Variants in EMILIN2 observed in about 807,000 individuals in gnomAD.
EMILIN2 encodes the protein EMILIN-2.
In EMILIN2, 71 loss-of-function variants were observed where a neutral mutation model predicts 87.1. The observed-to-expected ratio is 0.82, with a 90% confidence interval of 0.67 to 0.99. EMILIN2 has a LOEUF of 0.99. EMILIN2 is among the 50% of genes least tolerant of loss of function. The pLI is 0.00. For synonymous variants in EMILIN2, 581 were observed against 563.4 expected (o/e 1.03, Z -0.44); for missense variants, 1,407 against 1,371.8 (o/e 1.03, Z -0.40).
At chr18:2,879,331 G>A (rs139946335) in intron 2 of EMILIN2, among the ~76,000 whole-genome samples, 5 of 152,304 alleles carry the variant, frequency 3.3e-5, no homozygotes, top group African/African-American at 1.2e-4. Context: ...TAGTTTGACT[G>A]AGGAACAAAA....
chr18:2,866,407 A>T (rs2076687029), intron 2 of EMILIN2, among the ~76,000 whole-genome samples: 2 of 152,154 alleles, frequency 1.3e-5, no homozygotes, highest in South Asian at 4.1e-4. Flanking sequence ...CTTCTTGGTT[A>T]GGTATATTCC....
intron 2 of EMILIN2, among the ~76,000 whole-genome samples, chr18:2,865,865 A>C (rs904199211): frequency 1.3e-5 from 2 of 152,178 alleles, no homozygotes; most frequent in African/African-American, 4.8e-5. Flanking sequence ...CAACCAGTTC[A>C]AGCTTCCCAG....
chr18:2,847,330 C>T lies in EMILIN2; in HGVS notation c.134+8C>T, dbSNP rs1474385774. 2 of 1,311,650 alleles carry T rather than the reference C, an allele frequency of 1.5e-6. No homozygotes were observed. The highest frequency in any genetic ancestry group is 3.1e-5 in the African/African-American group (2 of 64,408). 81.3% of individuals were successfully genotyped at this position (1,311,650 alleles called of 1,614,324 possible). A position where few individuals can be genotyped will look rare whatever the true frequency, so the allele number is the denominator to read the frequency against. On this transcript the variant is annotated splice_region_variant and intron_variant, in intron 1 of 7. Transcript: ENST00000254528. This position sits in a 1 kb window ranked among gnomAD's most constrained non-coding sequence, Gnocchi z 4.5. ...GCCCAGCGCCAGGAACAAGTAAGTG[C>T]GCGCCCCTTGGCTGGCCCCAAACCG...
intron 2 of EMILIN2, among the ~76,000 whole-genome samples, chr18:2,866,340 C>A (rs1409249923): frequency 6.6e-6 from 1 of 152,216 alleles, no homozygotes; most frequent in Non-Finnish European, 1.5e-5. Context: ...TTGGCTCCTT[C>A]CCCTCTATGA....
chr18:2,902,232 G>A (rs762605054), intron 4 of EMILIN2, among the ~76,000 whole-genome samples: 3 of 152,154 alleles, frequency 2.0e-5, no homozygotes, highest in African/African-American at 4.8e-5. Context: ...GGCCCATAGC[G>A]CCTGTCATAG....
At position 2,906,912 on chromosome 18, in the gene EMILIN2, C is replaced by A; in HGVS notation, c.2489C>A (p.Pro830His). ...CGACGGCCCGTCCTGCCCCAGCGGC[C>A]CCCCGAGGAGAGGCCGCCCCAGCCG... ...PGRRPVLPQR[P>H]PEERPPQPPG... Residue 830 changes from proline (P) to histidine (H), a missense_variant, in exon 5 of 8, where the codon CCC becomes CAC. Coordinates refer to ENST00000254528, the MANE Select transcript of EMILIN2 (RefSeq NM_032048.3). 1 of 1,394,922 alleles carries A rather than the reference C, an allele frequency of 7.2e-7. No individual in the cohort carries two copies. Among genetic ancestry groups the A allele is most frequent in the Non-Finnish European group, 9.3e-7 (1 of 1,071,888 alleles). 86.4% of individuals were successfully genotyped at this position (1,394,922 alleles called of 1,614,324 possible).
intron 4 of EMILIN2, among the ~76,000 whole-genome samples, chr18:2,897,919 A>T (rs544217909): frequency 6.6e-6 from 1 of 151,802 alleles, no homozygotes; most frequent in Admixed American, 6.6e-5. Context: ...AGCTTCATGT[A>T]TCTCGTGTAT....
chr18:2,860,939 G>A (rs1484326300), intron 2 of EMILIN2, among the ~76,000 whole-genome samples: 4 of 152,194 alleles, frequency 2.6e-5, no homozygotes, highest in South Asian at 2.1e-4. Flanking sequence ...TCTAACTGGT[G>A]TGAGATGGTA....
chr18:2,891,853 G>A lies in EMILIN2; in HGVS notation c.1726G>A (p.Val576Ile). 2 of 1,614,260 alleles carry A rather than the reference G, an allele frequency of 1.2e-6. No homozygotes were observed. The highest frequency in any genetic ancestry group is 1.7e-6 in the Non-Finnish European group (2 of 1,180,046). The change falls in exon 4 of 8, where the codon GTA becomes ATA. Residue 576 changes from valine to isoleucine, a missense_variant. Coordinates refer to ENST00000254528, the MANE Select transcript of EMILIN2 (RefSeq NM_032048.3). This position sits in a 1 kb window ranked among gnomAD's most constrained non-coding sequence, Gnocchi z 4.6. ...CTTGCCAAACAGGGAAGACCGCGCAGTACGCGACAGCCTGCACCTTTTGAA... is the reference window on the plus strand; with the variant it reads ...CTTGCCAAACAGGGAAGACCGCGCAATACGCGACAGCCTGCACCTTTTGAA... Reference protein sequence around the residue: ...GALPNREDRAVRDSLHLLKSL... With the variant: ...GALPNREDRAIRDSLHLLKSL...
At chr18:2,857,573 G>A (rs1015442159) in intron 2 of EMILIN2, among the ~76,000 whole-genome samples, 3 of 152,170 alleles carry the variant, frequency 2.0e-5, no homozygotes, top group Non-Finnish European at 4.4e-5. Context: ...AAAGCCGAGG[G>A]GGCGATTGCG....
At chr18:2,846,694 C>T, upstream of EMILIN2, 1 of 962,078 alleles carries the variant, frequency 1.0e-6, no homozygotes, top group Non-Finnish European at 1.2e-6. This position sits in a 1 kb window ranked among gnomAD's most constrained non-coding sequence, Gnocchi z 5.3. Flanking sequence ...GACGGCCAGA[C>T]TCGCCGACGG....
rs542455045 is a variant in EMILIN2, at chr18:2,847,532, C to G, written c.134+210C>G. On this transcript the variant is annotated intron_variant, in intron 1 of 7. Coordinates refer to ENST00000254528, the MANE Select transcript of EMILIN2 (RefSeq NM_032048.3). This position sits in a 1 kb window ranked among gnomAD's most constrained non-coding sequence, Gnocchi z 4.5. ...GGGGGCGTGGGCGCAGAGAGCGTCC[C>G]GCAGACCCGGGCGATCCGAAAACGA... Among the ~76,000 whole-genome samples the G allele has an allele frequency of 6.6e-6, 1 of 152,262 alleles. No homozygotes were observed. Among genetic ancestry groups the G allele is most frequent in the East Asian group, 1.9e-4 (1 of 5,144 alleles).
At chr18:2,872,953 A>C (rs1445942585) in intron 2 of EMILIN2, among the ~76,000 whole-genome samples, 3 of 152,198 alleles carry the variant, frequency 2.0e-5, no homozygotes, top group African/African-American at 7.2e-5. Flanking sequence ...GCTTATGCCC[A>C]TGTTTATTAT....
At chr18:2,888,826 A>C (rs904924017) in intron 3 of EMILIN2, among the ~76,000 whole-genome samples, 3 of 152,064 alleles carry the variant, frequency 2.0e-5, no homozygotes, top group African/African-American at 7.2e-5. Flanking sequence ...TGGATATCTG[A>C]ATTTCAGATT....
intron 2 of EMILIN2, among the ~76,000 whole-genome samples, chr18:2,861,708 C>A (rs966340953): frequency 9.9e-5 from 15 of 152,190 alleles, no homozygotes; most frequent in African/African-American, 1.9e-4. Flanking sequence ...ATTGACTTGG[C>A]GATGCAGGCT....
At chr18:2,887,561 C>T (rs73369482) in intron 3 of EMILIN2, among the ~76,000 whole-genome samples, 3,858 of 152,012 alleles carry the variant, frequency 0.025, 164 homozygotes, top group African/African-American at 0.087. Context: ...TGCTCCCTCT[C>T]GCTCCCTCTC....
At position 2,880,037 on chromosome 18, in the gene EMILIN2, A is replaced by T. The variant is rs1158013457; in HGVS notation, c.258-4927A>T. On this transcript the variant is annotated intron_variant, in intron 2 of 7. Coordinates refer to ENST00000254528, the MANE Select transcript of EMILIN2 (RefSeq NM_032048.3). The surrounding 1 kb of genome is among the most constrained non-coding windows in gnomAD (Gnocchi z 4.1). Reference sequence around the variant, plus strand: ...TATTAATTTTTAAAAATGGGATGTTATAGTGAACAAAACCAACAGGAATTC... The same window carrying T: ...TATTAATTTTTAAAAATGGGATGTTTTAGTGAACAAAACCAACAGGAATTC... Among the ~76,000 whole-genome samples the T allele has an allele frequency of 2.0e-5, 3 of 152,214 alleles. No homozygotes were observed.
chr18:2,881,022 G>A (rs1419948960), intron 2 of EMILIN2, among the ~76,000 whole-genome samples: 1 of 152,180 alleles, frequency 6.6e-6, no homozygotes, highest in African/African-American at 2.4e-5. Flanking sequence ...CTCCTTTGTT[G>A]CTCCCCATCC....
chr18:2,850,130 T>G (rs1378856612), intron 2 of EMILIN2, among the ~76,000 whole-genome samples: 4 of 142,780 alleles, frequency 2.8e-5, no homozygotes, highest in Non-Finnish European at 6.0e-5. Context: ...TTAGTAGAGA[T>G]AGGGTTTCAA....
Sources: gnomAD v4.1 joint callset for allele counts (sites outside exome capture counted in the v4.1 genomes callset) on GRCh38, gnomAD v4.1.1 for gene constraint, Gnocchi (gnomAD v3.1) non-coding constraint, MANE v1.5 for transcripts, NCBI Gene and HGNC (gene_info 2026-07-23, HGNC 2026-07-21) for gene names.